MSH6: variants seen among roughly 807,000 people sequenced by gnomAD.
MSH6 encodes mutS homolog 6.
In MSH6, 85 loss-of-function variants were observed where a neutral mutation model predicts 119.1. The ratio of observed to expected loss-of-function variants is 0.71; its 90% CI spans 0.60 to 0.85. MSH6 has a LOEUF of 0.85. Among genes scored for constraint, MSH6 ranks in the 40% least tolerant of loss-of-function variants. The pLI is 0.00. For synonymous variants in MSH6, 830 were observed against 586.9 expected, an observed-to-expected ratio of 1.41 and a Z score of -5.99; for missense variants, 2,163 against 1,655.3, an observed-to-expected ratio of 1.31 and a Z score of -5.32.
chr2:47,791,853 AT>A (rs975296906), intron 2 of MSH6, among the ~76,000 whole-genome samples: 173 of 143,916 alleles, frequency 1.2e-3, no homozygotes, highest in Admixed American at 3.5e-3. Flanking sequence ...ATATATATAT[AT>A]TTTTTTTTTG....
At chr2:47,792,843 A>C (rs1668826300) in intron 2 of MSH6, among the ~76,000 whole-genome samples, 1 of 112,498 alleles carries the variant, frequency 8.9e-6, no homozygotes, top group Non-Finnish European at 1.8e-5. Flanking sequence ...TAATTTTTAT[A>C]TAGTTTTTTT....
At chr2:47,802,635 G>GTTTTTTTTTTTTTTTTTTTTT (rs527836963) in intron 4 of MSH6, among the ~76,000 whole-genome samples, 2 of 115,912 alleles carry the variant, frequency 1.7e-5, no homozygotes, top group African/African-American at 3.1e-5. Context: ...GCCCAGCCCT[G>GTTTTTTTTTTTTTTTTTTTTT]TTTTTTTTTT....
At position 47,803,492 on chromosome 2, in the gene MSH6, C is replaced by G. The variant is rs191109849; in HGVS notation, c.3245C>G (p.Pro1082Arg). 1.9e-6 allele frequency: 3 copies of G among 1,614,042 alleles called. No individual in the cohort carries two copies. Among genetic ancestry groups the G allele is most frequent in the East Asian group, 2.2e-5 (1 of 44,872 alleles). Residue 1082 changes from proline to arginine, a missense_variant, in exon 5 of 10, where the codon CCG becomes CGG. Coordinates refer to ENST00000234420, the MANE Select transcript of MSH6 (RefSeq NM_000179.3). ...ATGTGTCGCCCAGTAATTCTGTTGC[C>G]GGAAGATACCCCCCCCTTCTTAGAG... Reference protein sequence around the residue: ...GPMCRPVILLPEDTPPFLELK... With the variant: ...GPMCRPVILLREDTPPFLELK...
At chr2:47,793,760 C>A (rs867125084) in intron 2 of MSH6, among the ~76,000 whole-genome samples, 1 of 151,004 alleles carries the variant, frequency 6.6e-6, no homozygotes, top group Non-Finnish European at 1.5e-5. Context: ...CAGCGGAGTC[C>A]AGCTTTATCA....
At chr2:47,807,993 C>T (rs1216196335), downstream of MSH6, 8 of 846,438 alleles carry the variant, frequency 9.5e-6, no homozygotes, top group Non-Finnish European at 1.5e-5. Context: ...TGTCAACTGA[C>T]CTTGTGTATC....
In MSH6 at chr2:47,799,752, C is replaced by T. The variant is rs587782635; in HGVS notation, c.1769C>T (p.Pro590Leu). 2 of 1,614,130 alleles carry T rather than the reference C, an allele frequency of 1.2e-6. No individual in the cohort carries two copies. Among genetic ancestry groups the T allele is most frequent in the Non-Finnish European group, 1.7e-6 (2 of 1,180,008 alleles). Reference sequence around the variant, plus strand: ...TTTAGGACTCTAGTGGCACACTATCCCCCAGTACAAGTTTTATTTGAAAAA... The same window carrying T: ...TTTAGGACTCTAGTGGCACACTATCTCCCAGTACAAGTTTTATTTGAAAAA... ...SRFRTLVAHYPPVQVLFEKGN... is the reference protein window; with the variant it reads ...SRFRTLVAHYLPVQVLFEKGN... Residue 590 changes from proline to leucine, a missense_variant, in exon 4 of 10, where the codon CCC becomes CTC. Transcript: ENST00000234420.
At position 47,800,740 on chromosome 2, in the gene MSH6, A is replaced by C. The variant is rs866493167; in HGVS notation, c.2757A>C (p.Glu919Asp). 1.9e-6 allele frequency: 3 copies of C among 1,614,162 alleles called. No homozygotes were observed. Among genetic ancestry groups the C allele is most frequent in the African/African-American group, 2.7e-5 (2 of 75,044 alleles). ...GATGGGATACAGCCTTTGACCATGA[A>C]AAGGCTCGAAAGACTGGACTTATTA... ...LNRWDTAFDH[E>D]KARKTGLITP... Residue 919 changes from glutamate (E) to aspartate (D), a missense_variant, in exon 4 of 10, where the codon GAA becomes GAC. Physicochemically the swap from Glu to Asp is conservative, Grantham distance 45. Coordinates refer to ENST00000234420, the MANE Select transcript of MSH6 (RefSeq NM_000179.3).
At chr2:47,785,884 CGT>C (rs1383994179) in intron 1 of MSH6, among the ~76,000 whole-genome samples, 1 of 152,150 alleles carries the variant, frequency 6.6e-6, no homozygotes, top group Non-Finnish European at 1.5e-5. Context: ...AAAAATAAAA[CGT>C]ATACATTTCA....
In MSH6 at chr2:47,800,230, A is replaced by G. The variant is rs1669438966; in HGVS notation, c.2247A>G (p.Gly749=). 6.2e-7 allele frequency: 1 copy of G among 1,614,096 alleles called. No homozygotes were observed. Among genetic ancestry groups the G allele is most frequent in the Admixed American group, 1.7e-5 (1 of 60,010 alleles). ...TLNNLEIFLN[G]TNGSTEGTLL... is the part of the protein sequence containing the mutation. Reference sequence around the variant, plus strand: ...ACAACTTGGAGATTTTTCTGAATGGAACAAATGGTTCTACTGAAGGAACCC... The same window carrying G: ...ACAACTTGGAGATTTTTCTGAATGGGACAAATGGTTCTACTGAAGGAACCC... Residue 749 remains glycine, a synonymous_variant, in exon 4 of 10, where the codon GGA becomes GGG. Transcript: ENST00000234420.
downstream of MSH6, chr2:47,809,955 G>A: frequency 2.0e-6 from 1 of 495,224 alleles, no homozygotes; most frequent in Non-Finnish European, 3.6e-6. Flanking sequence ...CATGATACTT[G>A]GATTTCATTT....
In MSH6 at chr2:47,806,569, A is replaced by C. The variant is rs730881808; in HGVS notation, c.3919A>C (p.Asn1307His). ...TGGCTTTAATGCAGCAAGGCTTGCT[A>C]ATCTCCCAGAGGAAGTTATTCAAAA... is the stretch of plus-strand genomic sequence containing the variant. Reference protein sequence around the residue: ...SYGFNAARLANLPEEVIQKGH... With the variant: ...SYGFNAARLAHLPEEVIQKGH... The change falls in exon 9 of 10, where the codon AAT becomes CAT. Residue 1307 changes from asparagine (N) to histidine (H), a missense_variant. Transcript: ENST00000234420. The C allele has an allele frequency of 6.2e-7, 1 of 1,613,876 alleles. No individual in the cohort carries two copies. The highest frequency in any genetic ancestry group is 8.5e-7 in the Non-Finnish European group (1 of 1,179,926).
intron 1 of MSH6, among the ~76,000 whole-genome samples, chr2:47,787,428 G>C (rs964905990): frequency 6.6e-6 from 1 of 152,170 alleles, no homozygotes; most frequent in Non-Finnish European, 1.5e-5. Flanking sequence ...TCTGTTTAGC[G>C]TATGTTTAGA....
Position 47,799,778 on chromosome 2 carries a change from G to C in MSH6, c.1795G>C (p.Gly599Arg), listed in dbSNP as rs756043669. ...CCCAGTACAAGTTTTATTTGAAAAA[G>C]GAAATCTCTCAAAGGAAACTAAAAC... ...YPPVQVLFEK[G>R]NLSKETKTIL... The change falls in exon 4 of 10, where the codon GGA becomes CGA. Residue 599 changes from glycine (G) to arginine (R), a missense_variant. Coordinates refer to ENST00000234420, the MANE Select transcript of MSH6 (RefSeq NM_000179.3). 5 of 1,614,006 alleles carry C rather than the reference G, an allele frequency of 3.1e-6. No individual in the cohort carries two copies. The highest frequency in any genetic ancestry group is 1.1e-5 in the South Asian group (1 of 91,078).
chr2:47,809,871 A>T (rs1670489709), downstream of MSH6: 1 of 555,704 alleles, frequency 1.8e-6, no homozygotes, highest in South Asian at 2.5e-5. Flanking sequence ...CAACAGTAAC[A>T]TTCACTTATC....
rs1298565919 is a variant in MSH6, at chr2:47,791,023, C to A, written c.357C>A (p.Phe119Leu). The A allele has an allele frequency of 3.7e-6, 6 of 1,614,214 alleles. No individual in the cohort carries two copies. The highest frequency in any genetic ancestry group is 4.2e-6 in the Non-Finnish European group (5 of 1,180,034). The change falls in exon 2 of 10, where the codon TTC becomes TTA. Residue 119 changes from phenylalanine (F) to leucine (L), a missense_variant. Phe to Leu is a conservative substitution (Grantham distance 22). Transcript: ENST00000234420. ...ACAACCACCCCTTTGATGGAACATTCATCCGCGAGAAAGGGAAATCAGTCC... is the reference window on the plus strand; with the variant it reads ...ACAACCACCCCTTTGATGGAACATTAATCCGCGAGAAAGGGAAATCAGTCC... ...LVYNHPFDGT[F>L]IREKGKSVRV...
At chr2:47,808,723 CA>C (rs1429183348), downstream of MSH6, 2 of 335,352 alleles carry the variant, frequency 6.0e-6, no homozygotes, top group South Asian at 7.3e-5. Context: ...CGTGAAGAGT[CA>C]AAACTGTCAC....
At chr2:47,784,285 G>C (rs1451355037) in intron 1 of MSH6, 1 of 967,794 alleles carries the variant, frequency 1.0e-6, no homozygotes, top group African/African-American at 1.8e-5. Flanking sequence ...ATATTTTGAC[G>C]TATGTGGAAA....
At position 47,801,162 on chromosome 2, in the gene MSH6, C is replaced by CT. The variant is rs878853730; in HGVS notation, c.3172+10dup. ...GAGTGTATCGCAGTGTTGGGTAAGA[C>CT]TTTGAACAAGCTTGTTCTCAGGCTT... On this transcript the variant is annotated splice_region_variant and intron_variant, in intron 4 of 9. Transcript: ENST00000234420. 1 of 1,608,144 alleles carries CT rather than the reference C, an allele frequency of 6.2e-7. No individual in the cohort carries two copies. The highest frequency in any genetic ancestry group is 8.5e-7 in the Non-Finnish European group (1 of 1,179,902).
At chr2:47,803,708 T>C (rs2104487815) in intron 5 of MSH6, 23 bp downstream of exon 5, 1 of 1,614,096 alleles carries the variant, frequency 6.2e-7, no homozygotes, top group Non-Finnish European at 8.5e-7. Flanking sequence ...TAAAGTTTTG[T>C]TATCAGAAAG....
Sources: gnomAD v4.1 joint callset for allele counts (sites outside exome capture counted in the v4.1 genomes callset) on GRCh38, gnomAD v4.1.1 for gene constraint, MANE v1.5 for transcripts, NCBI Gene and HGNC (gene_info 2026-07-23, HGNC 2026-07-21) for gene names.